The following PKHD1 variants were observed in gnomAD, a reference collection of about 807,000 sequenced individuals.
PKHD1 encodes the protein PKHD1 ciliary IPT domain containing fibrocystin/polyductin, also known as fibrocystin.
Under a neutral mutation model 412.0 loss-of-function variants are expected in PKHD1, and 291 were observed. The observed-to-expected ratio is 0.71, with a 90% confidence interval of 0.64 to 0.78. PKHD1 has a LOEUF of 0.78. PKHD1 is among the 30% of genes least tolerant of loss of function. PKHD1 has a pLI of 0.00. For missense variants in PKHD1, 4,825 were observed against 4,950.7 expected (o/e 0.97, Z 0.76); for synonymous variants, 1,777 against 1,821.5 (o/e 0.98, Z 0.62).
At chr6:51,996,169 C>CTTTTTTT (rs11392839) in intron 35 of PKHD1, among the ~76,000 whole-genome samples, 1 of 98,960 alleles carries the variant, frequency 1.0e-5, no homozygotes, top group Non-Finnish European at 2.0e-5. Flanking sequence ...CGACGCCTGG[C>CTTTTTTT]TTTTTTTTTT....
At chr6:51,740,983 A>G (rs546192110) in intron 60 of PKHD1, among the ~76,000 whole-genome samples, 37 of 152,342 alleles carry the variant, frequency 2.4e-4, no homozygotes, top group Admixed American at 1.5e-3. Context: ...ACCTCCATAC[A>G]GACATTCAGC....
intron 60 of PKHD1, among the ~76,000 whole-genome samples, chr6:51,714,046 A>G (rs1199304562): frequency 1.3e-5 from 2 of 152,162 alleles, no homozygotes; most frequent in African/African-American, 4.8e-5. Flanking sequence ...CTTCCTCATC[A>G]TAGAAGAGAT....
chr6:51,756,328 A>T (rs1787003688), intron 55 of PKHD1, among the ~76,000 whole-genome samples: 1 of 152,190 alleles, frequency 6.6e-6, no homozygotes, highest in African/African-American at 2.4e-5. Context: ...AAAATGTAAG[A>T]CTAGATAAAT....
intron 52 of PKHD1, among the ~76,000 whole-genome samples, chr6:51,805,475 C>T (rs895046954): frequency 6.6e-6 from 1 of 152,110 alleles, no homozygotes; most frequent in Non-Finnish European, 1.5e-5. Flanking sequence ...CAAACCTCAG[C>T]GTTATGTAAT....
rs372446963 is a variant in PKHD1 at position 51,659,814 on chromosome 6, C to A, written c.10312G>T (p.Val3438Phe). The A allele has an allele frequency of 6.2e-6, 10 of 1,613,730 alleles. No individual in the cohort carries two copies. The highest frequency in any genetic ancestry group is 8.5e-6 in the Non-Finnish European group (10 of 1,179,858). The change falls in exon 61 of 67, where the codon GTT (valine) becomes TTT (phenylalanine). Residue 3438 changes from valine to phenylalanine, a missense_variant. By Grantham distance (50) the Val-to-Phe change is conservative (BLOSUM62 -1). Transcript: ENST00000371117. ...YPVVSVTSGF[V>F]DVFSSVNANI... The stretch of plus-strand genomic sequence containing the variant: ...GCATTTACACTGCTAAAGACATCAA[C>A]AAAACCACTAGTCACAGATACAACT...
intron 60 of PKHD1, among the ~76,000 whole-genome samples, chr6:51,705,476 C>T (rs1779910553): frequency 6.6e-6 from 1 of 152,078 alleles, no homozygotes; most frequent in South Asian, 2.1e-4. Context: ...ATGACAGTAG[C>T]TCCAGGGGGA....
intron 5 of PKHD1, among the ~76,000 whole-genome samples, chr6:52,078,061 A>G (rs1811565336): frequency 6.6e-6 from 1 of 152,160 alleles, no homozygotes; most frequent in African/African-American, 2.4e-5. Context: ...TCAACCTGAA[A>G]TCTAAGAGCC....
At chr6:51,673,273 G>C (rs4715228) in intron 60 of PKHD1, among the ~76,000 whole-genome samples, 65,401 of 152,026 alleles carry the variant, frequency 0.43, 16,524 homozygotes, top group African/African-American at 0.69. Context: ...GAACCAATTA[G>C]AGAAAGCAAA....
At chr6:51,625,650 CAGTT>C (rs571583827) in intron 66 of PKHD1, among the ~76,000 whole-genome samples, 284 of 152,168 alleles carry the variant, frequency 1.9e-3, no homozygotes, top group Non-Finnish European at 3.2e-3. Context: ...CTTAATAAAA[CAGTT>C]AGGCACTGTG....
At chr6:52,082,243 T>C (rs1562304684) in intron 4 of PKHD1, 149 bp downstream of exon 4, 2 of 785,804 alleles carry the variant, frequency 2.5e-6, no homozygotes, top group Non-Finnish European at 2.2e-6. Context: ...AGGGACCTTT[T>C]AGAAAGCATA....
intron 35 of PKHD1, among the ~76,000 whole-genome samples, chr6:51,998,804 T>A (rs190052110): frequency 6.6e-6 from 1 of 152,212 alleles, no homozygotes; most frequent in East Asian, 1.9e-4. Flanking sequence ...GCTGAAATGA[T>A]CCATTGGTGT....
intron 36 of PKHD1, among the ~76,000 whole-genome samples, chr6:51,944,879 G>A (rs145294542): frequency 3.3e-5 from 5 of 152,298 alleles, no homozygotes; most frequent in African/African-American, 1.2e-4. Flanking sequence ...TAGACCATCT[G>A]CATCCAACAT....
At chr6:52,028,000 G>T in intron 30 of PKHD1, 104 bp from the exon 31 acceptor site, 1 of 1,173,572 alleles carries the variant, frequency 8.5e-7, no homozygotes, top group Non-Finnish European at 1.3e-6. Context: ...CAAACTGTCT[G>T]TAAGTTCTCT....
At chr6:51,771,797 G>A (rs751755597) in intron 55 of PKHD1, among the ~76,000 whole-genome samples, 21 of 152,018 alleles carry the variant, frequency 1.4e-4, no homozygotes, top group East Asian at 7.7e-4. Flanking sequence ...CCACATGAGC[G>A]TCTTAGCAGT....
rs548461617 is a variant in PKHD1 at position 51,722,016 on chromosome 6, G to A, written c.10156+22369C>T. 8 of 1,613,156 alleles carry A rather than the reference G, an allele frequency of 5.0e-6. No individual in the cohort carries two copies. In the African/African-American group the frequency reaches 9.3e-5, roughly 19 times the overall value. Reference sequence around the variant, plus strand: ...CTGAAATCTTCAAAGCCTGCTCAGTGGTTACTGAAGTAAACAGAAGTACTT... The same window carrying A: ...CTGAAATCTTCAAAGCCTGCTCAGTAGTTACTGAAGTAAACAGAAGTACTT... On this transcript the variant is annotated intron_variant, in intron 60 of 66. Transcript: ENST00000371117.
intron 48 of PKHD1, among the ~76,000 whole-genome samples, chr6:51,858,492 A>G (rs1773655146): frequency 6.6e-6 from 1 of 152,250 alleles, no homozygotes; most frequent in African/African-American, 2.4e-5. Flanking sequence ...TACTGTGGTC[A>G]GTAAATAAAA....
chr6:51,747,744 G>A (rs1276424379), intron 58 of PKHD1, 43 bp downstream of exon 58: 1 of 1,542,624 alleles, frequency 6.5e-7, no homozygotes, highest in Non-Finnish European at 9.0e-7. Context: ...TTTATGCATG[G>A]ATGTATGAAA....
intron 28 of PKHD1, 75 bp from the exon 29 acceptor site, chr6:52,033,240 T>A: frequency 2.6e-6 from 3 of 1,157,082 alleles, no homozygotes; most frequent in Non-Finnish European, 3.9e-6. Flanking sequence ...GAGAACTCCA[T>A]ATAGAATTAG....
chr6:51,956,586 A>G (rs572203735), intron 36 of PKHD1, among the ~76,000 whole-genome samples: 8 of 152,192 alleles, frequency 5.3e-5, no homozygotes, highest in Admixed American at 5.2e-4. Flanking sequence ...GAGGAGACAG[A>G]CTATAAACAA....
Sources: allele counts gnomAD v4.1 joint callset (sites outside exome capture counted in the v4.1 genomes callset), GRCh38; gene constraint gnomAD v4.1.1; transcripts MANE v1.5; gene names NCBI Gene and HGNC (gene_info 2026-07-23, HGNC 2026-07-21).